Variants in SPAG6 observed in about 807,000 individuals in gnomAD.
SPAG6 encodes sperm associated antigen 6, also known as sperm-associated antigen 6.
In SPAG6, 49 loss-of-function variants were observed where a neutral mutation model predicts 58.5. The ratio of observed to expected loss-of-function variants is 0.84; its 90% CI spans 0.67 to 1.06. The LOEUF (loss-of-function observed/expected upper bound fraction) is 1.06, where lower values mean the gene tolerates loss of function less well. SPAG6 is among the 50% of genes least tolerant of loss of function. The pLI is 0.00. For synonymous variants in SPAG6, 233 were observed against 225.6 expected (o/e 1.03, Z -0.29); for missense variants, 560 against 611.3 (o/e 0.92, Z 0.89).
At chr10:22,365,957 A>C (rs976490843) in intron 3 of SPAG6, among the ~76,000 whole-genome samples, 8 of 152,192 alleles carry the variant, frequency 5.3e-5, no homozygotes, top group Non-Finnish European at 2.9e-5. Context: ...ACTTTCATAC[A>C]TTGCTGGTAG....
Position 22,368,597 on chromosome 10 carries a change from G to A in SPAG6, c.391G>A (p.Val131Ile), listed in dbSNP as rs1316673985. ...IVDCGALDTL[V>I]ICLEDFDPGV... is the part of the protein sequence containing the mutation. The stretch of plus-strand genomic sequence containing the variant: ...CGATTGTGGAGCACTGGATACGCTG[G>A]TCATATGCTTGGAAGATTTTGACCC... Residue 131 changes from valine (V) to isoleucine (I), a missense_variant, in exon 4 of 11, where the codon GTC becomes ATC. By Grantham distance (29) the Val-to-Ile change is conservative. Transcript: ENST00000376624. 2 of 1,613,916 alleles carry A rather than the reference G, an allele frequency of 1.2e-6. No individual in the cohort carries two copies. Among genetic ancestry groups the A allele is most frequent in the South Asian group, 1.1e-5 (1 of 91,072 alleles).
intron 7 of SPAG6, among the ~76,000 whole-genome samples, 186 bp downstream of exon 7, chr10:22,389,498 T>G (rs1453916912): frequency 6.6e-6 from 1 of 152,230 alleles, no homozygotes. Flanking sequence ...GTTTAAAGTT[T>G]TACTCAGCGT....
intron 9 of SPAG6, among the ~76,000 whole-genome samples, chr10:22,405,073 C>A (rs1254621645): frequency 1.3e-5 from 2 of 152,146 alleles, no homozygotes; most frequent in African/African-American, 4.8e-5. Context: ...ACAATCATGT[C>A]GTCTGCAAAC....
At chr10:22,351,232 G>A (rs1836719243) in intron 2 of SPAG6, among the ~76,000 whole-genome samples, 2 of 152,152 alleles carry the variant, frequency 1.3e-5, no homozygotes, top group African/African-American at 2.4e-5. Flanking sequence ...AATTCCTCCA[G>A]GTTTGAGGGA....
At chr10:22,404,794 T>C (rs537329222) in intron 9 of SPAG6, among the ~76,000 whole-genome samples, 78 of 151,890 alleles carry the variant, frequency 5.1e-4, no homozygotes, top group African/African-American at 1.8e-3. Context: ...CATTTGTTTG[T>C]ATCCTCTTTT....
rs556378628 is a variant in SPAG6, at chr10:22,347,986, A to G, written c.121+2168A>G. On this transcript the variant is annotated intron_variant, in intron 2 of 10. Transcript: ENST00000376624. ...TAAAAAAGAACCTGTAAACTTTGTT[A>G]TGAAAACTTTTCTTTCTTTCTTTGA... is the stretch of plus-strand genomic sequence containing the variant. Among the ~76,000 whole-genome samples the G allele has an allele frequency of 1.4e-4, 21 of 148,520 alleles. No individual in the cohort carries two copies. The South Asian group carries it at 4.2e-3, about 29-fold the overall frequency.
intron 2 of SPAG6, chr10:22,346,070 G>A (rs1291312503): frequency 1.3e-6 from 2 of 1,523,046 alleles, no homozygotes; most frequent in South Asian, 2.4e-5. Context: ...TGAAAGTCGA[G>A]GCCCTAGGAA....
chr10:22,411,326 C>G, intron 10 of SPAG6, 150 bp downstream of exon 10: 1 of 565,018 alleles, frequency 1.8e-6, no homozygotes, highest in Non-Finnish European at 3.0e-6. Context: ...ATCTCTTCCC[C>G]CTGCCAAATT....
intron 4 of SPAG6, among the ~76,000 whole-genome samples, chr10:22,369,034 T>G (rs1427745717): frequency 1.3e-5 from 2 of 152,146 alleles, no homozygotes; most frequent in Non-Finnish European, 2.9e-5. Context: ...AAACCCCAAT[T>G]ACTTTTGCAT....
At chr10:22,347,740 C>T (rs1228698835) in intron 2 of SPAG6, among the ~76,000 whole-genome samples, 2 of 152,132 alleles carry the variant, frequency 1.3e-5, no homozygotes, top group Admixed American at 1.3e-4. Context: ...TAAGATTCTA[C>T]ACTTATGGTC....
chr10:22,391,708 C>T (rs1834187508), intron 7 of SPAG6, 21 bp from the exon 8 acceptor site: 1 of 1,608,766 alleles, frequency 6.2e-7, no homozygotes. Context: ...ATAACACTTG[C>T]TCTTTTGATC....
chr10:22,367,015 T>G (rs1588644253), intron 3 of SPAG6, among the ~76,000 whole-genome samples: 2 of 151,834 alleles, frequency 1.3e-5, no homozygotes, highest in Admixed American at 1.3e-4. Flanking sequence ...CTGGGTTTTT[T>G]TTTTTTGGCA....
chr10:22,386,900 G>A lies in SPAG6; in HGVS notation c.619G>A (p.Asp207Asn), dbSNP rs777669088. Reference sequence around the variant, plus strand: ...TCCAGAGTTAGCACAGACAGTAGTGGATGCAGGAGCTGTTGCTCATTTAGC... The same window carrying A: ...TCCAGAGTTAGCACAGACAGTAGTGAATGCAGGAGCTGTTGCTCATTTAGC... ...HSPELAQTVV[D>N]AGAVAHLAQM... The change falls in exon 5 of 11, where the codon GAT becomes AAT. Residue 207 changes from aspartate to asparagine, a missense_variant. Physicochemically the swap from Asp to Asn is conservative, Grantham distance 23. Transcript: ENST00000376624. 2 of 1,613,858 alleles carry A rather than the reference G, an allele frequency of 1.2e-6. No homozygotes were observed. Among genetic ancestry groups the A allele is most frequent in the Non-Finnish European group, 1.7e-6 (2 of 1,179,818 alleles).
chr10:22,348,128 C>T (rs906257482), intron 2 of SPAG6, among the ~76,000 whole-genome samples: 1 of 151,996 alleles, frequency 6.6e-6, no homozygotes, highest in African/African-American at 2.4e-5. Flanking sequence ...GTAGCTGAGA[C>T]TACAGGTGTG....
At chr10:22,379,040 C>T (rs1346793212) in intron 4 of SPAG6, among the ~76,000 whole-genome samples, 3 of 152,004 alleles carry the variant, frequency 2.0e-5, no homozygotes, top group African/African-American at 7.2e-5. Context: ...ATGGCTCTGA[C>T]GATTGGGTGG....
At chr10:22,387,339 T>A (rs1251100028) in intron 5 of SPAG6, among the ~76,000 whole-genome samples, 1 of 152,196 alleles carries the variant, frequency 6.6e-6, no homozygotes, top group Non-Finnish European at 1.5e-5. Flanking sequence ...AAAATCTGAT[T>A]TTTAGTTAAT....
At chr10:22,386,381 A>G (rs1208618235) in intron 4 of SPAG6, among the ~76,000 whole-genome samples, 1 of 152,038 alleles carries the variant, frequency 6.6e-6, no homozygotes, top group Non-Finnish European at 1.5e-5. Context: ...AATTTTTGGT[A>G]CTTAAATTTT....
chr10:22,373,028 T>TC (rs1319772637), intron 4 of SPAG6, among the ~76,000 whole-genome samples: 1 of 152,174 alleles, frequency 6.6e-6, no homozygotes. Context: ...ATCTCATCAT[T>TC]CTTTTTTAGC....
At chr10:22,394,850 G>C (rs909722658) in intron 8 of SPAG6, among the ~76,000 whole-genome samples, 1 of 152,134 alleles carries the variant, frequency 6.6e-6, no homozygotes, top group Non-Finnish European at 1.5e-5. Flanking sequence ...AAGACTACAA[G>C]TGTGTACTGC....
Sources: gnomAD v4.1 joint callset for allele counts (sites outside exome capture counted in the v4.1 genomes callset) on GRCh38, gnomAD v4.1.1 for gene constraint, MANE v1.5 for transcripts, NCBI Gene and HGNC (gene_info 2026-07-23, HGNC 2026-07-21) for gene names.